EXOC6B: variants seen among roughly 807,000 people sequenced by gnomAD.
EXOC6B encodes exocyst complex component 6B.
In EXOC6B, 54 loss-of-function variants were observed where a neutral mutation model predicts 113.5. That is an observed-to-expected ratio of 0.48 (90% CI 0.38 to 0.60). The LOEUF (loss-of-function observed/expected upper bound fraction) is 0.60. Among genes scored for constraint, EXOC6B ranks in the 20% least tolerant of loss-of-function variants. EXOC6B has a pLI of 0.00. For synonymous variants in EXOC6B, 357 were observed against 339.0 expected, an observed-to-expected ratio of 1.05 and a Z score of -0.58; for missense variants, 797 against 977.5, an observed-to-expected ratio of 0.82 and a Z score of 2.46.
intron 7 of EXOC6B, among the ~76,000 whole-genome samples, chr2:72,560,025 T>C (rs928666610): frequency 1.3e-5 from 2 of 151,974 alleles, no homozygotes; most frequent in African/African-American, 2.4e-5. Context: ...GCAATCAAAA[T>C]ACAGAAATAT....
At chr2:72,262,917 TG>T (rs1415144917) in intron 20 of EXOC6B, among the ~76,000 whole-genome samples, 1 of 152,058 alleles carries the variant, frequency 6.6e-6, no homozygotes, top group Non-Finnish European at 1.5e-5. Flanking sequence ...AAGACAAACA[TG>T]TAGACAATAA....
intron 6 of EXOC6B, among the ~76,000 whole-genome samples, chr2:72,581,833 C>CTGCT (rs1705242970): frequency 6.6e-6 from 1 of 152,182 alleles, no homozygotes; most frequent in African/African-American, 2.4e-5. Flanking sequence ...GTAGGTGGGC[C>CTGCT]TGCTGGGTCT....
intron 6 of EXOC6B, among the ~76,000 whole-genome samples, chr2:72,596,574 A>G (rs1670087505): frequency 6.6e-6 from 1 of 152,058 alleles, no homozygotes; most frequent in Non-Finnish European, 1.5e-5. Flanking sequence ...AAAGGAAGAA[A>G]AACATAAAGG....
chr2:72,282,838 A>G (rs139380261), intron 20 of EXOC6B, among the ~76,000 whole-genome samples: 1 of 152,294 alleles, frequency 6.6e-6, no homozygotes, highest in East Asian at 1.9e-4. Context: ...ATGTTAAAAG[A>G]GTTGATCTGC....
At chr2:72,707,694 G>T (rs1444502982) in intron 6 of EXOC6B, among the ~76,000 whole-genome samples, 1 of 152,058 alleles carries the variant, frequency 6.6e-6, no homozygotes, top group Non-Finnish European at 1.5e-5. Flanking sequence ...TTACAGGTGT[G>T]AGCCACCGCA....
intron 20 of EXOC6B, among the ~76,000 whole-genome samples, chr2:72,257,536 T>C (rs1290812566): frequency 1.3e-5 from 2 of 152,184 alleles, no homozygotes; most frequent in East Asian, 1.9e-4. Context: ...CTGAAGGCAA[T>C]GTATTATTCT....
intron 1 of EXOC6B, among the ~76,000 whole-genome samples, chr2:72,815,327 C>T (rs1277746008): frequency 2.0e-5 from 3 of 151,332 alleles, no homozygotes; most frequent in Non-Finnish European, 3.0e-5. Context: ...CCGTCTCAAA[C>T]AAAAATACAA....
At chr2:72,748,543 C>T (rs1162301694) in intron 1 of EXOC6B, among the ~76,000 whole-genome samples, 3 of 152,104 alleles carry the variant, frequency 2.0e-5, no homozygotes, top group Non-Finnish European at 4.4e-5. Context: ...GAAGCATATG[C>T]TAGTTAACAT....
chr2:72,184,864 T>C (rs952347159), intron 20 of EXOC6B, among the ~76,000 whole-genome samples: 1 of 152,234 alleles, frequency 6.6e-6, no homozygotes, highest in African/African-American at 2.4e-5. Flanking sequence ...AGGGCCATAG[T>C]AGATTAGCCC....
At chr2:72,332,343 C>T (rs1191857543) in intron 20 of EXOC6B, among the ~76,000 whole-genome samples, 3 of 151,722 alleles carry the variant, frequency 2.0e-5, no homozygotes, top group Admixed American at 6.6e-5. Flanking sequence ...AGAAAAACAC[C>T]GACCAGTGAG....
At chr2:72,588,979 T>C (rs1705757088) in intron 6 of EXOC6B, among the ~76,000 whole-genome samples, 1 of 152,020 alleles carries the variant, frequency 6.6e-6, no homozygotes, top group Admixed American at 6.5e-5. Flanking sequence ...ACTTACTTGA[T>C]AGATTTCTTC....
chr2:72,793,863 A>G (rs1346408871), intron 1 of EXOC6B, among the ~76,000 whole-genome samples: 1 of 152,166 alleles, frequency 6.6e-6, no homozygotes, highest in Non-Finnish European at 1.5e-5. Flanking sequence ...CAGAGTAGGA[A>G]GTATGACATG....
chr2:72,412,350 A>G (rs1694237835), intron 18 of EXOC6B, among the ~76,000 whole-genome samples: 1 of 152,216 alleles, frequency 6.6e-6, no homozygotes, highest in South Asian at 2.1e-4. Context: ...CAGTTAGGGG[A>G]TCAAAGATCA....
At chr2:72,505,493 GTCTTAAGGAATCTCTCACTTGC>G (rs1490349803) in intron 11 of EXOC6B, among the ~76,000 whole-genome samples, 1 of 152,034 alleles carries the variant, frequency 6.6e-6, no homozygotes, top group Non-Finnish European at 1.5e-5. Flanking sequence ...ATTATTCTCA[GTCTTAAGGAATCTCTCACTTGC>G]TCTTGGCTTT....
intron 20 of EXOC6B, among the ~76,000 whole-genome samples, chr2:72,212,508 T>C (rs367957556): frequency 7.2e-5 from 11 of 152,194 alleles, no homozygotes; most frequent in Non-Finnish European, 1.5e-4. Flanking sequence ...GTATCAAGCA[T>C]ATTAACTGAA....
chr2:72,525,128 A>C (rs1021262388), intron 8 of EXOC6B, among the ~76,000 whole-genome samples: 34 of 152,222 alleles, frequency 2.2e-4, no homozygotes, highest in Non-Finnish European at 4.8e-4. Context: ...AAAAAAGAAA[A>C]GAAAGAAATC....
chr2:72,529,674 G>C (rs1701899045), intron 8 of EXOC6B, among the ~76,000 whole-genome samples: 1 of 152,168 alleles, frequency 6.6e-6, no homozygotes. Context: ...TGTTGCCAAG[G>C]CTGGTCTCAA....
intron 18 of EXOC6B, among the ~76,000 whole-genome samples, chr2:72,403,929 G>C (rs1444105913): frequency 6.6e-6 from 1 of 152,204 alleles, no homozygotes; most frequent in Non-Finnish European, 1.5e-5. Context: ...CACCCAGGAA[G>C]TGCAAGGGGT....
In EXOC6B at chr2:72,303,456, T is replaced by A. The variant is rs866287577; in HGVS notation, c.2196+31491A>T. Reference sequence around the variant, plus strand: ...TTTCTTTTTATTATTTTCTCTTTATTTTTTTCCTGTCTTATTTCACAGAGC... The same window carrying A: ...TTTCTTTTTATTATTTTCTCTTTATATTTTTCCTGTCTTATTTCACAGAGC... On this transcript the variant is annotated intron_variant, in intron 20 of 21. Transcript: ENST00000272427. 3.9e-5 allele frequency among the ~76,000 whole-genome samples: 6 copies of A among 152,256 alleles called. No individual in the cohort carries two copies. In the South Asian group the frequency reaches 1.2e-3, roughly 32 times the overall value.
Sources: allele counts gnomAD v4.1 joint callset (sites outside exome capture counted in the v4.1 genomes callset), GRCh38; gene constraint gnomAD v4.1.1; transcripts MANE v1.5; gene names NCBI Gene and HGNC (gene_info 2026-07-23, HGNC 2026-07-21).